The following FDFT1 variants were observed in gnomAD, a reference collection of about 807,000 sequenced individuals.
The protein encoded by FDFT1 is farnesyl-diphosphate farnesyltransferase 1.
FDFT1 carries 68 observed loss-of-function variants against 46.8 expected under a neutral mutation model. The observed-to-expected ratio is 1.45, with a 90% confidence interval of 1.19 to 1.78. FDFT1 has a LOEUF of 1.78. Among genes scored for constraint, FDFT1 ranks in the 40% most tolerant of loss-of-function variants. FDFT1 has a pLI of 0.00. For missense variants in FDFT1, 928 were observed against 524.4 expected, an observed-to-expected ratio of 1.77 and a Z score of -7.52; for synonymous variants, 351 against 185.1, an observed-to-expected ratio of 1.90 and a Z score of -7.28.
At chr8:11,831,433 A>C in intron 6 of FDFT1, 85 bp from the exon 7 acceptor site, 2 of 1,255,752 alleles carry the variant, frequency 1.6e-6, no homozygotes, top group Non-Finnish European at 2.3e-6. Flanking sequence ...TTGCCCATTC[A>C]ACAGAAGGTT....
chr8:11,830,493 GTGCTATATT>G, intron 6 of FDFT1, 73 bp downstream of exon 6: 1 of 1,086,490 alleles, frequency 9.2e-7, no homozygotes, highest in Non-Finnish European at 1.4e-6. Flanking sequence ...GGATTTTGCT[GTGCTATATT>G]CAAGGATATG....
intron 7 of FDFT1, among the ~76,000 whole-genome samples, chr8:11,836,569 C>G (rs552395798): frequency 6.6e-6 from 1 of 152,384 alleles, no homozygotes; most frequent in African/African-American, 2.4e-5. Flanking sequence ...TTCCTGCCTT[C>G]TGTTTCACTT....
intron 7 of FDFT1, among the ~76,000 whole-genome samples, chr8:11,835,918 G>C (rs1046718058): frequency 7.3e-6 from 1 of 136,058 alleles, no homozygotes; most frequent in African/African-American, 2.6e-5. Context: ...CGGATCACTT[G>C]AGGTCAGGAG....
intron 7 of FDFT1, among the ~76,000 whole-genome samples, chr8:11,833,050 G>T (rs1443999431): frequency 6.6e-6 from 1 of 152,146 alleles, no homozygotes; most frequent in Non-Finnish European, 1.5e-5. Context: ...ACACAGAAAT[G>T]CTGTATGTCC....
At chr8:11,822,026 A>G (rs1809323265) in intron 4 of FDFT1, 148 bp downstream of exon 4, 1 of 938,046 alleles carries the variant, frequency 1.1e-6, no homozygotes, top group African/African-American at 1.7e-5. Flanking sequence ...TCTCATCATA[A>G]ACAGTTTATT....
chr8:11,802,354 C>G (rs1033106209), upstream of FDFT1: 16 of 438,284 alleles, frequency 3.7e-5, no homozygotes, highest in South Asian at 8.0e-5. Context: ...AGGAAGCAGC[C>G]CCGCACTGCT....
chr8:11,821,921 G>C (rs1454694453), intron 4 of FDFT1, 43 bp downstream of exon 4: 14 of 1,597,822 alleles, frequency 8.8e-6, no homozygotes, highest in African/African-American at 2.7e-5. Flanking sequence ...GTATTAGACA[G>C]AGCTGGCAGT....
chr8:11,800,105 G>C (rs761381984), upstream of FDFT1, among the ~76,000 whole-genome samples: 2 of 146,592 alleles, frequency 1.4e-5, no homozygotes, highest in African/African-American at 5.1e-5. Flanking sequence ...ACTAAAAATC[G>C]AAAAATTACC....
At chr8:11,838,291 A>G in intron 7 of FDFT1, 97 bp from the exon 8 acceptor site, 1 of 897,486 alleles carries the variant, frequency 1.1e-6, no homozygotes, top group Non-Finnish European at 1.8e-6. Context: ...CATTGGTAAA[A>G]TGGGTATAAA....
intron 1 of FDFT1, chr8:11,803,663 C>T (rs780283723): frequency 1.5e-5 from 6 of 402,468 alleles, no homozygotes; most frequent in Non-Finnish European, 2.4e-5. Context: ...CCAAGTTCTT[C>T]TGGTCTGGAC....
At chr8:11,813,183 C>G (rs1363058244) in intron 3 of FDFT1, among the ~76,000 whole-genome samples, 1 of 152,172 alleles carries the variant, frequency 6.6e-6, no homozygotes, top group Non-Finnish European at 1.5e-5. Flanking sequence ...CATTGTATTT[C>G]CAGTCTCCGT....
intron 7 of FDFT1, among the ~76,000 whole-genome samples, chr8:11,836,057 G>A (rs1811498566): frequency 6.6e-6 from 1 of 150,888 alleles, no homozygotes; most frequent in African/African-American, 2.4e-5. Flanking sequence ...GGAGGCTGAG[G>A]CAGGAGAATC....
chr8:11,821,870 TG>T lies in FDFT1; in HGVS notation c.505del (p.Asp169ThrfsTer28), dbSNP rs763489386. 5.0e-6 allele frequency: 8 copies of T among 1,612,834 alleles called. No homozygotes were observed. The highest frequency in any genetic ancestry group is 5.9e-6 in the Non-Finnish European group (7 of 1,179,196). On this transcript the variant is annotated frameshift_variant, in exon 4 of 8. Transcript: ENST00000220584. LOFTEE classifies it high-confidence loss of function. ...LDKHVTSEQE[W>X]DKYCHYVAGL... is the part of the protein sequence containing the mutation. ...TAAGCATGTGACCTCTGAACAGGAGTGGGACAAGGTTAGTCTCATAAAACAG... is the reference window on the plus strand; with the variant it reads ...TAAGCATGTGACCTCTGAACAGGAGTGGACAAGGTTAGTCTCATAAAACAG...
intron 3 of FDFT1, among the ~76,000 whole-genome samples, chr8:11,813,814 C>T (rs1323384594): frequency 6.6e-6 from 1 of 152,148 alleles, no homozygotes; most frequent in Non-Finnish European, 1.5e-5. Flanking sequence ...CGGAAAAAGC[C>T]CTCCTGGCTC....
rs1200435181 is a variant in FDFT1, at chr8:11,821,885, C to G, written c.510+7C>G. 2 of 1,611,972 alleles carry G rather than the reference C, an allele frequency of 1.2e-6. No individual in the cohort carries two copies. The highest frequency in any genetic ancestry group is 1.3e-5 in the African/African-American group (1 of 75,008). The stretch of plus-strand genomic sequence containing the variant: ...TGAACAGGAGTGGGACAAGGTTAGT[C>G]TCATAAAACAGTGTCTGTGTGTGAT... On this transcript the variant is annotated splice_region_variant and intron_variant, in intron 4 of 7. Coordinates refer to ENST00000220584, the MANE Select transcript of FDFT1 (RefSeq NM_004462.5).
intron 7 of FDFT1, among the ~76,000 whole-genome samples, chr8:11,837,168 A>T (rs999911358): frequency 3.3e-5 from 5 of 152,264 alleles, no homozygotes; most frequent in African/African-American, 1.2e-4. Flanking sequence ...GAGTGGTATG[A>T]GACTGGAACA....
At chr8:11,828,043 A>G (rs1810247861) in intron 5 of FDFT1, among the ~76,000 whole-genome samples, 1 of 152,160 alleles carries the variant, frequency 6.6e-6, no homozygotes, top group African/African-American at 2.4e-5. Context: ...CTCTACTAAA[A>G]TTACAAAAAT....
chr8:11,838,156 C>G (rs1176667846), intron 7 of FDFT1, among the ~76,000 whole-genome samples: 1 of 152,178 alleles, frequency 6.6e-6, no homozygotes, highest in African/African-American at 2.4e-5. Context: ...GTGCAGTATG[C>G]ACACCTGTGC....
upstream of FDFT1, chr8:11,802,710 C>G (rs1563290296): frequency 2.6e-6 from 2 of 756,610 alleles, no homozygotes; most frequent in Non-Finnish European, 4.4e-6. Context: ...CGTCGCCGTA[C>G]TAGGCCTGCC....
Sources: gnomAD v4.1 joint callset for allele counts (sites outside exome capture counted in the v4.1 genomes callset) on GRCh38, gnomAD v4.1.1 for gene constraint, MANE v1.5 for transcripts, NCBI Gene and HGNC (gene_info 2026-07-23, HGNC 2026-07-21) for gene names.